ITPK1: variants seen among roughly 807,000 people sequenced by gnomAD.
ITPK1 encodes the protein inositol 1,3,4-trisphosphate 5/6-kinase.
A neutral mutation model predicts 45.3 loss-of-function variants in ITPK1; 21 were observed. The observed-to-expected ratio is 0.46, with a 90% CI of 0.33 to 0.67. ITPK1 has a LOEUF of 0.67. Ranked by LOEUF, ITPK1 falls within the 30% of genes least tolerant of loss-of-function variation. The pLI is 0.02. For synonymous variants in ITPK1, 258 were observed against 253.6 expected (o/e 1.02, Z -0.16); for missense variants, 474 against 573.5 (o/e 0.83, Z 1.77).
chr14:93,087,236 C>T (rs1269077914), intron 2 of ITPK1, among the ~76,000 whole-genome samples: 1 of 152,232 alleles, frequency 6.6e-6, no homozygotes, highest in Non-Finnish European at 1.5e-5. Context: ...CTTGTGGCCA[C>T]AACACCCCAA....
intron 2 of ITPK1, among the ~76,000 whole-genome samples, chr14:93,103,350 C>CA (rs1660470604): frequency 6.6e-6 from 1 of 151,894 alleles, no homozygotes; most frequent in African/African-American, 2.4e-5. Flanking sequence ...ACCCGGGAGG[C>CA]AGAGGTTGCA....
At chr14:93,103,280 G>A (rs111994708) in intron 2 of ITPK1, among the ~76,000 whole-genome samples, 1,537 of 151,734 alleles carry the variant, frequency 0.01, 26 homozygotes, top group African/African-American at 0.035. Context: ...TTAGCCGGGC[G>A]TGGTGGCGCG....
intron 5 of ITPK1, among the ~76,000 whole-genome samples, chr14:92,977,092 T>C (rs1465581461): frequency 6.6e-6 from 1 of 152,232 alleles, no homozygotes; most frequent in South Asian, 2.1e-4. Context: ...ATAAGAGCAG[T>C]CCTGCTCATA....
chr14:92,941,996 T>C (rs931257824), intron 10 of ITPK1, 92 bp from the exon 11 acceptor site: 4 of 1,097,012 alleles, frequency 3.6e-6, no homozygotes, highest in Non-Finnish European at 4.0e-6. Flanking sequence ...GATGGGCTCC[T>C]GGGATGAGGC....
intron 6 of ITPK1, 132 bp from the exon 7 acceptor site, chr14:92,962,527 T>C (rs575651350): frequency 1.3e-4 from 102 of 770,792 alleles, no homozygotes; most frequent in Non-Finnish European, 2.2e-4. Flanking sequence ...GCACTGAGGG[T>C]GACGTGTGGG....
At chr14:93,049,529 A>G (rs1341135895) in intron 3 of ITPK1, among the ~76,000 whole-genome samples, 1 of 152,170 alleles carries the variant, frequency 6.6e-6, no homozygotes, top group Admixed American at 6.5e-5. Context: ...GAAGGGCCTC[A>G]TAAACCATTC....
intron 4 of ITPK1, among the ~76,000 whole-genome samples, chr14:92,994,536 C>A (rs924577217): frequency 1.3e-5 from 2 of 152,224 alleles, no homozygotes; most frequent in South Asian, 4.1e-4. Flanking sequence ...GTGACAAAAA[C>A]CAGTCTCTAA....
At chr14:92,987,847 G>C (rs967451878) in intron 5 of ITPK1, among the ~76,000 whole-genome samples, 1 of 152,188 alleles carries the variant, frequency 6.6e-6, no homozygotes, top group Admixed American at 6.5e-5. Context: ...GACTGGGGGA[G>C]GGCACTGGCT....
chr14:93,095,947 G>A (rs933942880), intron 2 of ITPK1, among the ~76,000 whole-genome samples: 1 of 152,170 alleles, frequency 6.6e-6, no homozygotes, highest in Non-Finnish European at 1.5e-5. Context: ...TCATGGCTGA[G>A]TAGTATTTCA....
chr14:93,087,624 T>C (rs1009165586), intron 2 of ITPK1, among the ~76,000 whole-genome samples: 1 of 152,192 alleles, frequency 6.6e-6, no homozygotes, highest in African/African-American at 2.4e-5. Context: ...GAACCTGCTG[T>C]CTTTGGTGGG....
chr14:93,055,622 C>T (rs970135691), intron 3 of ITPK1, among the ~76,000 whole-genome samples: 1 of 152,202 alleles, frequency 6.6e-6, no homozygotes, highest in African/African-American at 2.4e-5. Context: ...AACTTCTGCA[C>T]TCACCTGCGC....
In ITPK1 at chr14:92,993,899, C is replaced by T; in HGVS notation, c.345G>A (p.Lys115=). 3.7e-6 allele frequency: 6 copies of T among 1,611,764 alleles called. No individual in the cohort carries two copies. Among genetic ancestry groups the T allele is most frequent in the Non-Finnish European group, 5.1e-6 (6 of 1,177,818 alleles). The change falls in exon 5 of 11, where the codon AAG becomes AAA. Residue 115 remains lysine (K), a synonymous_variant. Transcript: ENST00000267615. The part of the protein sequence containing the change: ...DRSKSYELIR[K]IEAYMEDDRI... ...CCCTACCTTCCATGTAGGCCTCAAT[C>T]TTCCGGATGAGCTCATAGGACTTGG...
intron 2 of ITPK1, among the ~76,000 whole-genome samples, chr14:93,109,886 G>A (rs1299684574): frequency 1.3e-5 from 2 of 152,118 alleles, no homozygotes; most frequent in African/African-American, 2.4e-5. Flanking sequence ...ATCTACAAAG[G>A]CCAAAGGTCC....
At chr14:92,957,225 C>T (rs571940376) in intron 8 of ITPK1, among the ~76,000 whole-genome samples, 6 of 152,350 alleles carry the variant, frequency 3.9e-5, no homozygotes, top group South Asian at 2.1e-4. Context: ...GGCGTCTGAA[C>T]GCTTCTGATG....
Position 93,052,227 on chromosome 14 carries a change from T to C in ITPK1, c.120+24368A>G, listed in dbSNP as rs532834071. 3.4e-3 allele frequency among the ~76,000 whole-genome samples: 522 copies of C among 152,370 alleles called. 1 individual carries two copies. Among genetic ancestry groups the C allele is most frequent in the Admixed American group, 6.4e-3 (98 of 15,304 alleles). On this transcript the variant is annotated intron_variant, in intron 3 of 10. Transcript: ENST00000267615. ...GATAATTAATTGTCCCTGCAGCTTG[T>C]AGGACTGTCTTTGGGTTTATATGAG...
At chr14:92,942,521 T>C (rs754757312) in intron 10 of ITPK1, among the ~76,000 whole-genome samples, 17 of 152,160 alleles carry the variant, frequency 1.1e-4, no homozygotes, top group Non-Finnish European at 1.0e-4. Context: ...TCTGCTTCCT[T>C]CTCACCACAA....
At chr14:92,952,531 G>A (rs916585742) in intron 8 of ITPK1, among the ~76,000 whole-genome samples, 1 of 152,166 alleles carries the variant, frequency 6.6e-6, no homozygotes, top group Admixed American at 6.5e-5. Context: ...GGTTCTTAGC[G>A]ACTTAGGGAA....
At chr14:93,083,139 G>A (rs529512744) in intron 2 of ITPK1, among the ~76,000 whole-genome samples, 1 of 152,278 alleles carries the variant, frequency 6.6e-6, no homozygotes, top group Non-Finnish European at 1.5e-5. Context: ...ATGAGGAGCA[G>A]AGACACGTCC....
chr14:93,077,734 T>C (rs1336683475), intron 2 of ITPK1, among the ~76,000 whole-genome samples: 6 of 152,128 alleles, frequency 3.9e-5, no homozygotes, highest in Non-Finnish European at 8.8e-5. Context: ...GCCTTGAGGA[T>C]TCGGCTCAGC....
Sources: allele counts gnomAD v4.1 joint callset (sites outside exome capture counted in the v4.1 genomes callset), GRCh38; gene constraint gnomAD v4.1.1; transcripts MANE v1.5; gene names NCBI Gene and HGNC (gene_info 2026-07-23, HGNC 2026-07-21).